Variants in RAPGEF6 observed in about 807,000 individuals in gnomAD.
RAPGEF6 encodes Rap guanine nucleotide exchange factor 6.
Under a neutral mutation model 171.4 loss-of-function variants are expected in RAPGEF6, and 56 were observed. The observed-to-expected ratio is 0.33, with a 90% CI of 0.26 to 0.41. RAPGEF6 has a LOEUF of 0.41. RAPGEF6 is among the 10% of genes least tolerant of loss of function. The pLI is 1.00. For missense variants in RAPGEF6, 1,674 were observed against 1,921.4 expected, an observed-to-expected ratio of 0.87 and a Z score of 2.41; for synonymous variants, 692 against 650.1, an observed-to-expected ratio of 1.06 and a Z score of -0.98.
At chr5:131,486,309 C>T (rs1325998344) in intron 15 of RAPGEF6, among the ~76,000 whole-genome samples, 1 of 152,212 alleles carries the variant, frequency 6.6e-6, no homozygotes, top group African/African-American at 2.4e-5. Context: ...TTTGACACAT[C>T]CAGAGTTTTT....
chr5:131,474,393 G>A (rs900445546), intron 16 of RAPGEF6, among the ~76,000 whole-genome samples: 7 of 152,278 alleles, frequency 4.6e-5, no homozygotes, highest in Admixed American at 3.3e-4. Context: ...TTGAACCCAG[G>A]AGGCAGAGGT....
chr5:131,477,262 A>G (rs1755163745), intron 16 of RAPGEF6, among the ~76,000 whole-genome samples: 1 of 152,232 alleles, frequency 6.6e-6, no homozygotes, highest in Non-Finnish European at 1.5e-5. Flanking sequence ...TTGACTTCCA[A>G]GATAAACTAT....
At position 131,583,764 on chromosome 5, in the gene RAPGEF6, G is replaced by C. The variant is rs142116058; in HGVS notation, c.281+8619C>G. Reference sequence around the variant, plus strand: ...GAATTTGTCTTTTCCCCTGGCCATGGTTATTCATACTGGCTCAGAATAAAT... The same window carrying C: ...GAATTTGTCTTTTCCCCTGGCCATGCTTATTCATACTGGCTCAGAATAAAT... On this transcript the variant is annotated intron_variant, in intron 4 of 27. Coordinates refer to ENST00000509018, the MANE Select transcript of RAPGEF6 (RefSeq NM_016340.6). Among the ~76,000 whole-genome samples the C allele has an allele frequency of 1.0e-3, 153 of 152,260 alleles. 1 individual carries two copies. Among genetic ancestry groups the C allele is most frequent in the African/African-American group, 3.5e-3 (146 of 41,538 alleles).
At chr5:131,524,546 T>C (rs561332172) in intron 6 of RAPGEF6, among the ~76,000 whole-genome samples, 1 of 147,496 alleles carries the variant, frequency 6.8e-6, no homozygotes, top group South Asian at 2.1e-4. Context: ...TGATATAGCT[T>C]ATAGATGGGA....
Position 131,473,848 on chromosome 5 carries a change from A to G in RAPGEF6, c.2082-1104T>C, listed in dbSNP as rs773545197. 5.0e-4 allele frequency among the ~76,000 whole-genome samples: 76 copies of G among 152,332 alleles called. No homozygotes were observed. The Middle Eastern group carries it at 0.01, about 20-fold the overall frequency. ...GAGTTAGACTGTTAAATAAACTGCT[A>G]AAGGACTGTTAATAGTCAGACATGA... On this transcript the variant is annotated intron_variant, in intron 16 of 27. Coordinates refer to ENST00000509018, the MANE Select transcript of RAPGEF6 (RefSeq NM_016340.6).
At chr5:131,495,164 G>T (rs182516762) in intron 13 of RAPGEF6, among the ~76,000 whole-genome samples, 2 of 152,026 alleles carry the variant, frequency 1.3e-5, no homozygotes, top group Admixed American at 1.3e-4. Flanking sequence ...GTGGTGGTGC[G>T]CGTCTGAAGT....
At chr5:131,595,456 C>T (rs1031811232) in intron 3 of RAPGEF6, among the ~76,000 whole-genome samples, 8 of 151,948 alleles carry the variant, frequency 5.3e-5, no homozygotes, top group Admixed American at 2.6e-4. Flanking sequence ...TTTATGACAG[C>T]GTGAGAATGG....
At chr5:131,629,052 C>G (rs1766123772) in intron 1 of RAPGEF6, among the ~76,000 whole-genome samples, 1 of 152,158 alleles carries the variant, frequency 6.6e-6, no homozygotes, top group South Asian at 2.1e-4. Context: ...GGAAAAGTTT[C>G]AACCTTCAAG....
At chr5:131,594,568 T>TAA in intron 3 of RAPGEF6, among the ~76,000 whole-genome samples, 1 of 152,166 alleles carries the variant, frequency 6.6e-6, no homozygotes. Flanking sequence ...AGGGGGCCAT[T>TAA]GTCCTTCAGA....
intron 9 of RAPGEF6, 88 bp downstream of exon 9, chr5:131,507,969 TTCAAAAATCAGTAC>T: frequency 9.2e-7 from 1 of 1,082,572 alleles, no homozygotes; most frequent in Non-Finnish European, 1.3e-6. Flanking sequence ...CTGTATAAAT[TTCAAAAATCAGTAC>T]TCAAAAATCA....
chr5:131,562,086 T>C, intron 4 of RAPGEF6, 39 bp from the exon 5 acceptor site: 2 of 1,348,828 alleles, frequency 1.5e-6, no homozygotes, highest in African/African-American at 1.5e-5. Context: ...GCAAAGGTTA[T>C]TAATAAAATA....
In RAPGEF6 at chr5:131,446,605, T is replaced by C. The variant is rs1752710833; in HGVS notation, c.3299A>G (p.Lys1100Arg). The stretch of plus-strand genomic sequence containing the variant: ...TGCCATTTGGGCATCCTCATATAGC[T>C]TCTTGGCATTAAGCAGAGAGCTGCG... ...ARRSSLLNAK[K>R]LYEDAQMARK... The change falls in exon 22 of 28, where the codon AAG becomes AGG. Residue 1100 changes from lysine (K) to arginine (R), a missense_variant. Physicochemically the swap from Lys to Arg is conservative, Grantham distance 26. Around this residue, in one of 3 missense-constraint regions of RAPGEF6, gnomAD observed 6 missense variants for 25.7 expected, o/e 0.23. Coordinates refer to ENST00000509018, the MANE Select transcript of RAPGEF6 (RefSeq NM_016340.6). 1 of 1,614,122 alleles carries C rather than the reference T, an allele frequency of 6.2e-7. No homozygotes were observed. The highest frequency in any genetic ancestry group is 1.3e-5 in the African/African-American group (1 of 74,960).
intron 3 of RAPGEF6, among the ~76,000 whole-genome samples, chr5:131,598,934 A>G (rs1476543477): frequency 6.6e-6 from 1 of 152,244 alleles, no homozygotes; most frequent in African/African-American, 2.4e-5. Flanking sequence ...CAACAGTGAT[A>G]GCCAAGACAA....
intron 11 of RAPGEF6, among the ~76,000 whole-genome samples, chr5:131,500,833 A>G (rs1756971874): frequency 6.6e-6 from 1 of 152,204 alleles, no homozygotes; most frequent in Non-Finnish European, 1.5e-5. Context: ...AGTATCTCCC[A>G]GATCTCACAC....
intron 27 of RAPGEF6, 144 bp downstream of exon 27, chr5:131,428,758 T>A (rs1285996359): frequency 2.1e-6 from 2 of 930,854 alleles, no homozygotes; most frequent in Non-Finnish European, 1.6e-6. Flanking sequence ...CACTGCACCC[T>A]GCCGGCAGGA....
intron 4 of RAPGEF6, among the ~76,000 whole-genome samples, chr5:131,582,139 C>A (rs957423800): frequency 2.0e-5 from 3 of 152,216 alleles, no homozygotes; most frequent in African/African-American, 7.2e-5. Flanking sequence ...GTTGCTCACA[C>A]TAAGCCTGCT....
intron 8 of RAPGEF6, among the ~76,000 whole-genome samples, chr5:131,508,503 C>G (rs1241377490): frequency 6.6e-6 from 1 of 152,194 alleles, no homozygotes; most frequent in Admixed American, 6.5e-5. Flanking sequence ...TCTAATATTC[C>G]TAGCCACTCC....
chr5:131,500,667 A>G (rs1561514750), intron 11 of RAPGEF6, among the ~76,000 whole-genome samples: 1 of 152,028 alleles, frequency 6.6e-6, no homozygotes, highest in South Asian at 2.1e-4. Flanking sequence ...CTTCCTCCCT[A>G]TATCTTCTTG....
chr5:131,457,421 TGTTTGAGACAG>T (rs1388799079), intron 19 of RAPGEF6, among the ~76,000 whole-genome samples: 4 of 152,222 alleles, frequency 2.6e-5, no homozygotes, highest in Non-Finnish European at 5.9e-5. Flanking sequence ...GGTACAAATC[TGTTTGAGACAG>T]GAGAGAAGGG....
Sources: allele counts gnomAD v4.1 joint callset (sites outside exome capture counted in the v4.1 genomes callset), GRCh38; gene constraint gnomAD v4.1.1; regional missense constraint gnomAD v4.1.1; transcripts MANE v1.5; gene names NCBI Gene and HGNC (gene_info 2026-07-23, HGNC 2026-07-21).